SPAG17: variants seen among roughly 807,000 people sequenced by gnomAD.
SPAG17 encodes sperm associated antigen 17.
In SPAG17, 169 loss-of-function variants were observed where a neutral mutation model predicts 273.6. The observed-to-expected ratio is 0.62, with a 90% CI of 0.55 to 0.70. The LOEUF (loss-of-function observed/expected upper bound fraction) is 0.70, where lower values mean the gene tolerates loss of function less well. Among genes scored for constraint, SPAG17 ranks in the 30% least tolerant of loss-of-function variants. The pLI is 0.00. For missense variants in SPAG17, 2,557 were observed against 2,627.8 expected, an observed-to-expected ratio of 0.97 and a Z score of 0.59; for synonymous variants, 825 against 873.2, an observed-to-expected ratio of 0.94 and a Z score of 0.97.
chr1:118,046,693 AG>A (rs1650396229), intron 20 of SPAG17, among the ~76,000 whole-genome samples: 2 of 152,164 alleles, frequency 1.3e-5, no homozygotes, highest in African/African-American at 4.8e-5. Flanking sequence ...ATGCAATGAG[AG>A]AGAAAAGAAA....
At chr1:118,137,982 T>G (rs1046987207) in intron 3 of SPAG17, among the ~76,000 whole-genome samples, 1 of 152,164 alleles carries the variant, frequency 6.6e-6, no homozygotes, top group Non-Finnish European at 1.5e-5. Flanking sequence ...CAACTGTATT[T>G]TCTCCCCCTC....
intron 3 of SPAG17, among the ~76,000 whole-genome samples, chr1:118,131,969 C>T (rs1424008330): frequency 6.6e-6 from 1 of 152,228 alleles, no homozygotes; most frequent in Non-Finnish European, 1.5e-5. Context: ...CCATTATATT[C>T]CCAATGCTGG....
intron 17 of SPAG17, among the ~76,000 whole-genome samples, chr1:118,068,366 T>C (rs1324685262): frequency 1.3e-5 from 2 of 152,132 alleles, no homozygotes; most frequent in Non-Finnish European, 2.9e-5. Flanking sequence ...AAAATATTGT[T>C]ATGTAGGGTA....
chr1:117,995,526 T>G (rs932380668), intron 34 of SPAG17, among the ~76,000 whole-genome samples: 7 of 152,032 alleles, frequency 4.6e-5, no homozygotes, highest in Non-Finnish European at 8.8e-5. Flanking sequence ...TGCACCACAC[T>G]GACTGGGGGT....
At position 118,062,223 on chromosome 1, in the gene SPAG17, C is replaced by T. The variant is rs1308751298; in HGVS notation, c.2540+4522G>A. Among the ~76,000 whole-genome samples the T allele has an allele frequency of 2.0e-5, 3 of 151,550 alleles. No homozygotes were observed. In the East Asian group the frequency reaches 5.8e-4, roughly 29 times the overall value. ...CTCTACTAAAAATCAAAAAATTAGCCGGGCGTAGTGGCGGGCGCCTGTAGT... is the reference window on the plus strand; with the variant it reads ...CTCTACTAAAAATCAAAAAATTAGCTGGGCGTAGTGGCGGGCGCCTGTAGT... On this transcript the variant is annotated intron_variant, in intron 18 of 48. Coordinates refer to ENST00000336338, the MANE Select transcript of SPAG17 (RefSeq NM_206996.4).
intron 1 of SPAG17, among the ~76,000 whole-genome samples, chr1:118,175,574 CAAAA>C (rs79880272): frequency 2.3e-5 from 1 of 43,856 alleles, no homozygotes. Flanking sequence ...TTTCAAAGTA[CAAAA>C]AAAAAAAAAA....
intron 18 of SPAG17, among the ~76,000 whole-genome samples, chr1:118,057,035 C>T (rs561348858): frequency 1.4e-3 from 214 of 151,116 alleles, no homozygotes; most frequent in Admixed American, 2.0e-3. Context: ...AGTGCAGTGG[C>T]GCTACCACTT....
chr1:117,988,122 G>T lies in SPAG17; in HGVS notation c.5604C>A (p.Phe1868Leu), dbSNP rs1453088740. 3 of 1,605,734 alleles carry T rather than the reference G, an allele frequency of 1.9e-6. No homozygotes were observed. The highest frequency in any genetic ancestry group is 1.7e-5 in the Admixed American group (1 of 58,236). The change falls in exon 39 of 49, where the codon TTC becomes TTA. Residue 1868 changes from phenylalanine (F) to leucine (L), a missense_variant. By Grantham distance (22) the Phe-to-Leu change is conservative (BLOSUM62 0). Coordinates refer to ENST00000336338, the MANE Select transcript of SPAG17 (RefSeq NM_206996.4). ...TAGCTTACCTCCATGTCTTTTCAAAGAAATCTTTACCAAATGTGTCTGGTG... is the reference window on the plus strand; with the variant it reads ...TAGCTTACCTCCATGTCTTTTCAAATAAATCTTTACCAAATGTGTCTGGTG... ...KCPPDTFGKD[F>L]FEKTWRHTAS...
intron 32 of SPAG17, among the ~76,000 whole-genome samples, chr1:117,997,542 A>C (rs1378462973): frequency 6.6e-6 from 1 of 150,812 alleles, no homozygotes; most frequent in Non-Finnish European, 1.5e-5. Context: ...GCTGATAGAC[A>C]AAATTTCACT....
chr1:117,957,523 A>G (rs1652394243), intron 48 of SPAG17, among the ~76,000 whole-genome samples: 1 of 152,234 alleles, frequency 6.6e-6, no homozygotes, highest in Non-Finnish European at 1.5e-5. Flanking sequence ...CTCTGGTTCT[A>G]GTCAGTTTGC....
chr1:118,055,942 T>C, intron 18 of SPAG17, 28 bp from the exon 19 acceptor site: 1 of 1,562,350 alleles, frequency 6.4e-7, no homozygotes, highest in Non-Finnish European at 8.7e-7. Flanking sequence ...AGACGTCAAT[T>C]GAGTTACTAT....
chr1:117,989,241 A>G (rs909301361), intron 38 of SPAG17, among the ~76,000 whole-genome samples: 6 of 152,158 alleles, frequency 3.9e-5, no homozygotes, highest in Admixed American at 3.9e-4. Context: ...ATTCATAAAG[A>G]AAAGAGGTTT....
At chr1:118,133,284 C>T (rs907518437) in intron 3 of SPAG17, among the ~76,000 whole-genome samples, 6 of 151,854 alleles carry the variant, frequency 4.0e-5, no homozygotes, top group Non-Finnish European at 5.9e-5. Flanking sequence ...GGGTGGGTCG[C>T]GAGGGGGCCC....
intron 3 of SPAG17, among the ~76,000 whole-genome samples, chr1:118,116,474 A>G (rs1173678035): frequency 1.3e-5 from 2 of 152,032 alleles, no homozygotes; most frequent in Admixed American, 1.3e-4. Context: ...TATGGTGTCA[A>G]TTTCAGGCCC....
At chr1:118,119,051 C>T (rs1216072727) in intron 3 of SPAG17, among the ~76,000 whole-genome samples, 1 of 152,204 alleles carries the variant, frequency 6.6e-6, no homozygotes, top group Non-Finnish European at 1.5e-5. Flanking sequence ...TTAGTAAGCA[C>T]AAGCCCAATG....
chr1:118,018,388 G>A (rs1294569619), intron 28 of SPAG17, among the ~76,000 whole-genome samples: 1 of 152,170 alleles, frequency 6.6e-6, no homozygotes, highest in Non-Finnish European at 1.5e-5. Flanking sequence ...ATAACCACAA[G>A]TAGATCCTTA....
In SPAG17 at chr1:118,081,294, T is replaced by C; in HGVS notation, c.2016A>G (p.Leu672=). ...ACATTGACAAATTCTGATCCACAAATAGTGTTCTGTCTTTGATTTTAATAT... is the reference window on the plus strand; with the variant it reads ...ACATTGACAAATTCTGATCCACAAACAGTGTTCTGTCTTTGATTTTAATAT... ...KADIKIKDRT[L]FVDQNLSMSV... Residue 672 remains leucine (L), a synonymous_variant, in exon 15 of 49, where the codon CTA becomes CTG. Transcript: ENST00000336338. The C allele has an allele frequency of 4.3e-6, 7 of 1,614,058 alleles. No homozygotes were observed. The highest frequency in any genetic ancestry group is 5.9e-6 in the Non-Finnish European group (7 of 1,179,986).
intron 18 of SPAG17, among the ~76,000 whole-genome samples, chr1:118,064,043 C>T (rs1195731242): frequency 1.3e-5 from 2 of 152,164 alleles, no homozygotes; most frequent in African/African-American, 2.4e-5. Context: ...GAGATACCAT[C>T]TCACACCAGT....
intron 1 of SPAG17, among the ~76,000 whole-genome samples, chr1:118,172,283 A>T (rs7550299): frequency 0.02 from 2,976 of 152,330 alleles, 101 homozygotes; most frequent in African/African-American, 0.069. Context: ...GCAAATACTA[A>T]TAGGAGTTTT....
Sources: allele counts gnomAD v4.1 joint callset (sites outside exome capture counted in the v4.1 genomes callset), GRCh38; gene constraint gnomAD v4.1.1; transcripts MANE v1.5; gene names NCBI Gene and HGNC (gene_info 2026-07-23, HGNC 2026-07-21).